CUX2: variants seen among roughly 807,000 people sequenced by gnomAD.
The protein encoded by CUX2 is homeobox protein cut-like 2.
Under a neutral mutation model 144.8 loss-of-function variants are expected in CUX2, and 40 were observed. The ratio of observed to expected loss-of-function variants is 0.28; its 90% CI spans 0.21 to 0.36. The LOEUF (loss-of-function observed/expected upper bound fraction) is 0.36, where lower values mean the gene tolerates loss of function less well. Ranked by LOEUF, CUX2 falls within the 10% of genes least tolerant of loss-of-function variation. CUX2 has a pLI of 1.00. For synonymous variants in CUX2, 827 were observed against 875.6 expected, an observed-to-expected ratio of 0.94 and a Z score of 0.98; for missense variants, 1,615 against 1,994.0, an observed-to-expected ratio of 0.81 and a Z score of 3.62.
chr12:111,124,957 T>TG (rs1220687172), intron 1 of CUX2, among the ~76,000 whole-genome samples: 5 of 152,168 alleles, frequency 3.3e-5, no homozygotes, highest in African/African-American at 1.2e-4. Context: ...TGATTCACCT[T>TG]GGGGAAGAGG....
At position 111,307,559 on chromosome 12, in the gene CUX2, G is replaced by A. The variant is rs1592945770; in HGVS notation, c.1109+302G>A. On this transcript the variant is annotated intron_variant, in intron 12 of 21. Transcript: ENST00000261726. The surrounding 1 kb of genome is among the most constrained non-coding windows in gnomAD (Gnocchi z 4.1). Reference sequence around the variant, plus strand: ...AAACAATTTTAATTAGCCAGGAGTGGTGGTGATGCGTGCTGTAGTCCCAGC... The same window carrying A: ...AAACAATTTTAATTAGCCAGGAGTGATGGTGATGCGTGCTGTAGTCCCAGC... 3.3e-5 allele frequency among the ~76,000 whole-genome samples: 5 copies of A among 152,270 alleles called. No individual in the cohort carries two copies. The Middle Eastern group carries it at 0.017, about 518-fold the overall frequency.
At chr12:111,195,121 G>A (rs137907551) in intron 1 of CUX2, among the ~76,000 whole-genome samples, 3 of 152,322 alleles carry the variant, frequency 2.0e-5, no homozygotes, top group African/African-American at 4.8e-5. Context: ...ACTGGTCCAC[G>A]TTCCTCTCAT....
intron 3 of CUX2, among the ~76,000 whole-genome samples, chr12:111,242,860 C>G (rs1014043956): frequency 1.3e-5 from 2 of 152,120 alleles, no homozygotes; most frequent in Admixed American, 6.5e-5. Context: ...CCTAGTCCCC[C>G]ACCCCATGAC....
At chr12:111,182,329 G>A (rs1259157043) in intron 1 of CUX2, among the ~76,000 whole-genome samples, 1 of 152,212 alleles carries the variant, frequency 6.6e-6, no homozygotes, top group Non-Finnish European at 1.5e-5. Context: ...AATCATACCT[G>A]AAGAGTGGGC....
intron 1 of CUX2, among the ~76,000 whole-genome samples, chr12:111,150,691 G>A (rs528356642): frequency 6.6e-6 from 1 of 151,378 alleles, no homozygotes; most frequent in East Asian, 1.9e-4. Flanking sequence ...CTATTTCTGT[G>A]GCTTCCTCTT....
rs1592896896 is a variant in CUX2, at chr12:111,263,880, A to C, written c.301+41A>C. 2.6e-6 allele frequency: 4 copies of C among 1,548,560 alleles called. No homozygotes were observed. Among genetic ancestry groups the C allele is most frequent in the Non-Finnish European group, 3.6e-6 (4 of 1,120,514 alleles). On this transcript the variant is annotated intron_variant, in intron 4 of 21. Coordinates refer to ENST00000261726, the MANE Select transcript of CUX2 (RefSeq NM_015267.4). This position sits in a 1 kb window ranked among gnomAD's most constrained non-coding sequence, Gnocchi z 4.0. ...GCTCCGTAATTGAATAGTTAACGAC[A>C]ATAAATAGCCATTAGGACTGTGACA...
intron 1 of CUX2, among the ~76,000 whole-genome samples, chr12:111,054,870 A>G (rs1870444683): frequency 6.6e-6 from 1 of 151,708 alleles, no homozygotes; most frequent in Non-Finnish European, 1.5e-5. Flanking sequence ...CAGGCGATCC[A>G]CCTCCCTCAG....
chr12:111,211,257 G>A (rs535172055), intron 1 of CUX2, among the ~76,000 whole-genome samples: 37 of 152,270 alleles, frequency 2.4e-4, no homozygotes, highest in Non-Finnish European at 4.9e-4. Context: ...TCGTCTGCTC[G>A]AGGAAAGACA....
At position 111,310,880 on chromosome 12, in the gene CUX2, C is replaced by G. The variant is rs1028009149; in HGVS notation, c.1900+198C>G. 6.6e-6 allele frequency among the ~76,000 whole-genome samples: 1 copy of G among 152,268 alleles called. No individual in the cohort carries two copies. Among genetic ancestry groups the G allele is most frequent in the African/African-American group, 2.4e-5 (1 of 41,472 alleles). On this transcript the variant is annotated intron_variant, in intron 15 of 21. Coordinates refer to ENST00000261726, the MANE Select transcript of CUX2 (RefSeq NM_015267.4). This position sits in a 1 kb window ranked among gnomAD's most constrained non-coding sequence, Gnocchi z 7.9. ...AGCAGGAAATACATCCTCGCTCTCT[C>G]CTTCCTGGCCCTGGCCAGAGACAGT...
chr12:111,040,268 C>G (rs1019903250), intron 1 of CUX2, among the ~76,000 whole-genome samples: 2 of 151,532 alleles, frequency 1.3e-5, no homozygotes, highest in South Asian at 4.2e-4. Flanking sequence ...GCCTGAGCAA[C>G]TGAGCAAGAC....
At chr12:111,235,511 G>A (rs1217488675) in intron 3 of CUX2, among the ~76,000 whole-genome samples, 1 of 151,806 alleles carries the variant, frequency 6.6e-6, no homozygotes, top group African/African-American at 2.4e-5. Flanking sequence ...TCATGAGGTC[G>A]GGAGTTCGAG....
Position 111,246,268 on chromosome 12 carries a change from T to A in CUX2, c.223-17493T>A, listed in dbSNP as rs903804367. 2.0e-5 allele frequency among the ~76,000 whole-genome samples: 3 copies of A among 152,192 alleles called. No homozygotes were observed. The highest frequency in any genetic ancestry group is 7.2e-5 in the African/African-American group (3 of 41,438). On this transcript the variant is annotated intron_variant, in intron 3 of 21. Transcript: ENST00000261726. The surrounding 1 kb of genome is among the most constrained non-coding windows in gnomAD (Gnocchi z 4.0). ...CATGAAATCTGCCATGGTGGGAGTA[T>A]TTACACCACAGCCATTGGCAGACAC... is the stretch of plus-strand genomic sequence containing the variant.
At position 111,310,023 on chromosome 12, in the gene CUX2, T is replaced by C; in HGVS notation, c.1259-18T>C. ...TCTTCCCCGTCTGTCTGTCTGTCTG[T>C]CTGTCTGGGTGTTCTAGAGGAAGAC... is the stretch of plus-strand genomic sequence containing the variant. On this transcript the variant is annotated intron_variant, in intron 14 of 21. Coordinates refer to ENST00000261726, the MANE Select transcript of CUX2 (RefSeq NM_015267.4). This position sits in a 1 kb window ranked among gnomAD's most constrained non-coding sequence, Gnocchi z 7.9. 1 of 1,290,112 alleles carries C rather than the reference T, an allele frequency of 7.8e-7. No homozygotes were observed. The highest frequency in any genetic ancestry group is 9.8e-7 in the Non-Finnish European group (1 of 1,020,404). The allele number at this position is 1,290,112 out of a possible 1,614,324, so 79.9% of individuals were successfully genotyped here. A position where few individuals can be genotyped will look rare whatever the true frequency, so the allele number is the denominator to read the frequency against.
At chr12:111,093,933 G>A (rs1275939826) in intron 1 of CUX2, among the ~76,000 whole-genome samples, 2 of 152,216 alleles carry the variant, frequency 1.3e-5, no homozygotes, top group Non-Finnish European at 2.9e-5. Flanking sequence ...TACTGTGACT[G>A]TGATCCGCAG....
chr12:111,102,119 G>C (rs2136070044), intron 1 of CUX2, among the ~76,000 whole-genome samples: 1 of 152,306 alleles, frequency 6.6e-6, no homozygotes, highest in South Asian at 2.1e-4. Flanking sequence ...CTGTCAGGCA[G>C]CTGCTGTGTG....
chr12:111,338,515 A>C, intron 20 of CUX2, 41 bp downstream of exon 20: 1 of 1,560,458 alleles, frequency 6.4e-7, no homozygotes, highest in Non-Finnish European at 8.7e-7. Context: ...ACTGGGTCTC[A>C]GATTTTCCCC....
At chr12:111,345,875 C>T (rs1469456625) in intron 21 of CUX2, among the ~76,000 whole-genome samples, 7 of 145,814 alleles carry the variant, frequency 4.8e-5, no homozygotes, top group Non-Finnish European at 9.0e-5. Context: ...TTTGGGAGGC[C>T]GAGGCTGGTG....
At chr12:111,242,645 C>T (rs941609055) in intron 3 of CUX2, among the ~76,000 whole-genome samples, 3 of 152,118 alleles carry the variant, frequency 2.0e-5, no homozygotes, top group African/African-American at 7.2e-5. Context: ...GAAACCCCAT[C>T]TCTACTAAAA....
Position 111,320,515 on chromosome 12 carries a change from G to T in CUX2, c.2506G>T (p.Asp836Tyr), listed in dbSNP as rs754610110. 2 of 1,573,966 alleles carry T rather than the reference G, an allele frequency of 1.3e-6. No individual in the cohort carries two copies. Among genetic ancestry groups the T allele is most frequent in the South Asian group, 2.3e-5 (2 of 88,674 alleles). ...GGACGAGGCCCCTGTGCCCCCCGAGGACGAGGCGGCGGCAGGGGCGGAGGA... is the reference window on the plus strand; with the variant it reads ...GGACGAGGCCCCTGTGCCCCCCGAGTACGAGGCGGCGGCAGGGGCGGAGGA... ...RGDEAPVPPE[D>Y]EAAAGAEDEP... Residue 836 changes from aspartate (D) to tyrosine (Y), a missense_variant, in exon 17 of 22, where the codon GAC becomes TAC. Physicochemically the swap from Asp to Tyr is radical, Grantham distance 160. Around this residue, in one of 12 missense-constraint regions of CUX2, gnomAD observed 390 missense variants for 387.1 expected, o/e 1.01. Transcript: ENST00000261726. This position sits in a 1 kb window ranked among gnomAD's most constrained non-coding sequence, Gnocchi z 8.1.
Sources: gnomAD v4.1 joint callset for allele counts (sites outside exome capture counted in the v4.1 genomes callset) on GRCh38, gnomAD v4.1.1 for gene constraint, gnomAD v4.1.1 regional missense constraint, Gnocchi (gnomAD v3.1) non-coding constraint, MANE v1.5 for transcripts, NCBI Gene and HGNC (gene_info 2026-07-23, HGNC 2026-07-21) for gene names.